SEMA7A: variants seen among roughly 807,000 people sequenced by gnomAD.
SEMA7A encodes semaphorin 7A (JohnMiltonHagen blood group).
In SEMA7A, 21 loss-of-function variants were observed where a neutral mutation model predicts 67.5. The observed-to-expected ratio is 0.31, with a 90% CI of 0.22 to 0.45. SEMA7A has a LOEUF of 0.45. Ranked by LOEUF, SEMA7A falls within the 20% of genes least tolerant of loss-of-function variation. SEMA7A has a pLI of 1.00. For synonymous variants in SEMA7A, 364 were observed against 368.5 expected (o/e 0.99, Z 0.14); for missense variants, 774 against 908.6 (o/e 0.85, Z 1.90).
At chr15:74,412,981 T>A (rs2060914989) in intron 10 of SEMA7A, among the ~76,000 whole-genome samples, 1 of 152,136 alleles carries the variant, frequency 6.6e-6, no homozygotes, top group Non-Finnish European at 1.5e-5. Flanking sequence ...GTCCTCCCAA[T>A]CCTACCTCAC....
intron 10 of SEMA7A, among the ~76,000 whole-genome samples, chr15:74,412,962 T>C (rs1428772019): frequency 6.6e-6 from 1 of 152,258 alleles, no homozygotes; most frequent in Non-Finnish European, 1.5e-5. Flanking sequence ...ATGGGCACCC[T>C]GACCCCTGGT....
At chr15:74,429,977 G>A (rs2061073958) in intron 1 of SEMA7A, among the ~76,000 whole-genome samples, 1 of 151,976 alleles carries the variant, frequency 6.6e-6, no homozygotes, top group African/African-American at 2.4e-5. Flanking sequence ...TCTCCTCAGT[G>A]CCCATAACTG....
At chr15:74,421,533 G>T (rs1404483765) in intron 1 of SEMA7A, among the ~76,000 whole-genome samples, 1 of 152,134 alleles carries the variant, frequency 6.6e-6, no homozygotes, top group Admixed American at 6.5e-5. Context: ...TGACCCCCAG[G>T]TTCCTGGCCC....
chr15:74,416,527 C>T (rs1437212137), intron 7 of SEMA7A, 48 bp downstream of exon 7: 4 of 1,597,520 alleles, frequency 2.5e-6, no homozygotes, highest in Non-Finnish European at 3.4e-6. Flanking sequence ...TCACTCAGGC[C>T]TATTCATGCA....
chr15:74,422,101 G>A (rs917504710), intron 1 of SEMA7A, among the ~76,000 whole-genome samples: 5 of 152,016 alleles, frequency 3.3e-5, no homozygotes, highest in Admixed American at 2.6e-4. Context: ...GAGAAGAATC[G>A]GGAAGGTGAG....
intron 1 of SEMA7A, among the ~76,000 whole-genome samples, chr15:74,421,140 G>A (rs1275126714): frequency 2.0e-5 from 3 of 152,210 alleles, no homozygotes; most frequent in African/African-American, 4.8e-5. Flanking sequence ...GTCCTGCCCT[G>A]GGGAGTCGAG....
At chr15:74,428,898 G>A (rs1397534350) in intron 1 of SEMA7A, among the ~76,000 whole-genome samples, 1 of 152,220 alleles carries the variant, frequency 6.6e-6, no homozygotes, top group East Asian at 1.9e-4. Flanking sequence ...AGGGAAGGGG[G>A]AACTCTGTCC....
chr15:74,427,632 A>C (rs1567078677), intron 1 of SEMA7A, among the ~76,000 whole-genome samples: 2 of 152,106 alleles, frequency 1.3e-5, no homozygotes, highest in African/African-American at 4.8e-5. Flanking sequence ...TACAAACAAC[A>C]ATATGAATAG....
At chr15:74,416,508 A>T in intron 7 of SEMA7A, 67 bp downstream of exon 7, 4 of 1,494,186 alleles carry the variant, frequency 2.7e-6, no homozygotes, top group Non-Finnish European at 3.7e-6. Flanking sequence ...GGACACACAG[A>T]ACTCACCCTC....
Position 74,415,934 on chromosome 15 carries a change from G to A in SEMA7A, c.853C>T (p.Leu285=), listed in dbSNP as rs768541113. Residue 285 remains leucine, a synonymous_variant, in exon 8 of 14, where the codon CTG becomes TTG. Coordinates refer to ENST00000261918, the MANE Select transcript of SEMA7A (RefSeq NM_003612.5). Reference sequence around the variant, plus strand: ...TCACTGCATACCAGCATGGCTTTCAGAAAAGTGTTCCACTTGGAGACTGAC... The same window carrying A: ...TCACTGCATACCAGCATGGCTTTCAAAAAAGTGTTCCACTTGGAGACTGAC... ...SLSVSKWNTF[L]KAMLVCSDAA... 2.2e-5 allele frequency: 35 copies of A among 1,614,148 alleles called. No individual in the cohort carries two copies. The highest frequency in any genetic ancestry group is 5.0e-5 in the Admixed American group (3 of 60,026).
chr15:74,418,812 A>G lies in SEMA7A; in HGVS notation c.319T>C (p.Ser107Pro). 6.2e-7 allele frequency: 1 copy of G among 1,613,734 alleles called. No homozygotes were observed. The highest frequency in any genetic ancestry group is 8.5e-7 in the Non-Finnish European group (1 of 1,179,920). The change falls in exon 2 of 14, where the codon TCT becomes CCT. Residue 107 changes from serine to proline, a missense_variant. By Grantham distance (74) the Ser-to-Pro change is moderately conservative. Transcript: ENST00000261918. ...AGAGAGAGGCTCACCGTGCGCACAG[A>G]TGCGTTCTTGCCCTCGGGGAAGTCA... ...LFDFPEGKNA[S>P]VRTVNIGSTK... is the part of the protein sequence containing the mutation.
chr15:74,421,788 C>G (rs2061002433), intron 1 of SEMA7A, among the ~76,000 whole-genome samples: 1 of 152,156 alleles, frequency 6.6e-6, no homozygotes, highest in Admixed American at 6.5e-5. Context: ...GGAGGGCTGC[C>G]TGGAAGTGAA....
chr15:74,417,574 C>T lies in SEMA7A; in HGVS notation c.550+17G>A. On this transcript the variant is annotated intron_variant, in intron 5 of 13. Transcript: ENST00000261918. ...CAGAAGCATCCCCCTGGGGCGCCTGCTCCAGCACTGCCCTACCTTCAAACA... is the reference window on the plus strand; with the variant it reads ...CAGAAGCATCCCCCTGGGGCGCCTGTTCCAGCACTGCCCTACCTTCAAACA... 6.2e-7 allele frequency: 1 copy of T among 1,610,168 alleles called. No individual in the cohort carries two copies.
intron 1 of SEMA7A, among the ~76,000 whole-genome samples, chr15:74,431,402 G>C (rs2061087446): frequency 6.6e-6 from 1 of 152,230 alleles, no homozygotes; most frequent in Non-Finnish European, 1.5e-5. Flanking sequence ...GCCCCTCTCA[G>C]AGTTCCCTGC....
intron 1 of SEMA7A, among the ~76,000 whole-genome samples, chr15:74,432,376 C>T (rs1178924075): frequency 6.6e-6 from 1 of 152,088 alleles, no homozygotes; most frequent in Non-Finnish European, 1.5e-5. Context: ...CGGCTTCCTC[C>T]AGGAGCACCT....
intron 6 of SEMA7A, among the ~76,000 whole-genome samples, chr15:74,417,100 T>G (rs555770655): frequency 6.6e-6 from 1 of 152,272 alleles, no homozygotes. Context: ...GCACTGGGTC[T>G]GGGGCTCCCT....
chr15:74,410,508 T>C lies in SEMA7A; in HGVS notation c.*116A>G. On this transcript the variant is annotated 3_prime_UTR_variant, in exon 14 of 14. Coordinates refer to ENST00000261918, the MANE Select transcript of SEMA7A (RefSeq NM_003612.5). This position sits in a 1 kb window ranked among gnomAD's most constrained non-coding sequence, Gnocchi z 7.5. The stretch of plus-strand genomic sequence containing the variant: ...GGCCTGGCATCCTCCACTGGGTTAT[T>C]CTGTCCCCTGGAAGAAGTGGCAGGC... 1.4e-6 allele frequency: 2 copies of C among 1,438,398 alleles called. No homozygotes were observed. The highest frequency in any genetic ancestry group is 4.6e-5 in the East Asian group (2 of 43,486). 89.1% of individuals were successfully genotyped at this position (1,438,398 alleles called of 1,614,324 possible). A position where few individuals can be genotyped will look rare whatever the true frequency, so the allele number is the denominator to read the frequency against.
Position 74,411,857 on chromosome 15 carries a change from C to A in SEMA7A, c.1422+28G>T. ...TCCTCAGCTGCAGTCACTGCATAGC[C>A]CATGGGACGCAGTGGGGGAAGGCTC... On this transcript the variant is annotated intron_variant, in intron 11 of 13. Transcript: ENST00000261918. The surrounding 1 kb of genome is among the most constrained non-coding windows in gnomAD (Gnocchi z 4.4). 6.2e-7 allele frequency: 1 copy of A among 1,612,620 alleles called. No individual in the cohort carries two copies.
intron 1 of SEMA7A, among the ~76,000 whole-genome samples, chr15:74,424,982 A>T (rs1716254865): frequency 6.6e-6 from 1 of 152,062 alleles, no homozygotes; most frequent in African/African-American, 2.4e-5. Flanking sequence ...TGGCTACACA[A>T]CCCCAAGTGG....
Sources: gnomAD v4.1 joint callset for allele counts (sites outside exome capture counted in the v4.1 genomes callset) on GRCh38, gnomAD v4.1.1 for gene constraint, Gnocchi (gnomAD v3.1) non-coding constraint, MANE v1.5 for transcripts, NCBI Gene and HGNC (gene_info 2026-07-23, HGNC 2026-07-21) for gene names.